LRRTM4: variants seen among roughly 807,000 people sequenced by gnomAD.
The protein encoded by LRRTM4 is leucine-rich repeat transmembrane neuronal protein 4.
A neutral mutation model predicts 47.6 loss-of-function variants in LRRTM4; 25 were observed. The ratio of observed to expected loss-of-function variants is 0.53; its 90% confidence interval spans 0.38 to 0.73. The LOEUF (loss-of-function observed/expected upper bound fraction) is 0.73, where lower values mean the gene tolerates loss of function less well. Ranked by LOEUF, LRRTM4 falls within the 30% of genes least tolerant of loss-of-function variation. LRRTM4 has a pLI of 0.00. For synonymous variants in LRRTM4, 311 were observed against 269.5 expected (o/e 1.15, Z -1.51); for missense variants, 638 against 713.4 (o/e 0.89, Z 1.20).
intron 3 of LRRTM4, among the ~76,000 whole-genome samples, chr2:76,843,124 A>C (rs78082298): frequency 1.3e-5 from 2 of 152,186 alleles, no homozygotes; most frequent in African/African-American, 4.8e-5. Flanking sequence ...CAAACAGTTG[A>C]TAGCCATCCT....
At chr2:77,464,323 T>C (rs1676901620) in intron 3 of LRRTM4, among the ~76,000 whole-genome samples, 1 of 152,070 alleles carries the variant, frequency 6.6e-6, no homozygotes, top group Admixed American at 6.6e-5. Context: ...TAAGGACTCA[T>C]ATTTGGTTTA....
chr2:77,254,867 G>A (rs185064641), intron 3 of LRRTM4, among the ~76,000 whole-genome samples: 14 of 140,842 alleles, frequency 9.9e-5, no homozygotes, highest in Non-Finnish European at 1.6e-4. Flanking sequence ...AAGTAAAAGC[G>A]AACAGAGAAA....
At chr2:76,937,029 T>C (rs1573338316) in intron 3 of LRRTM4, among the ~76,000 whole-genome samples, 1 of 142,742 alleles carries the variant, frequency 7.0e-6, no homozygotes, top group African/African-American at 2.6e-5. Context: ...TATCAGTAGA[T>C]TCATGGTGAC....
intron 3 of LRRTM4, among the ~76,000 whole-genome samples, chr2:77,226,297 C>G (rs755972025): frequency 3.3e-5 from 5 of 151,566 alleles, no homozygotes; most frequent in African/African-American, 4.8e-5. Context: ...AGCACAGGTA[C>G]GGTCAGAGAA....
chr2:77,304,140 T>C (rs1264742484), intron 3 of LRRTM4, among the ~76,000 whole-genome samples: 1 of 152,198 alleles, frequency 6.6e-6, no homozygotes. Flanking sequence ...ATAATGGGCA[T>C]TCTAACAGAA....
intron 3 of LRRTM4, among the ~76,000 whole-genome samples, chr2:77,453,268 G>A (rs137958252): frequency 0.012 from 1,685 of 140,676 alleles, 23 homozygotes; most frequent in African/African-American, 0.042. Context: ...TGCAAGCTCC[G>A]CCTCCTGGGT....
chr2:77,348,581 A>G (rs1671650914), intron 3 of LRRTM4, among the ~76,000 whole-genome samples: 1 of 150,518 alleles, frequency 6.6e-6, no homozygotes, highest in South Asian at 2.1e-4. Flanking sequence ...TAATATTTTA[A>G]AGAATATATC....
intron 3 of LRRTM4, among the ~76,000 whole-genome samples, chr2:77,368,833 A>G (rs1487211696): frequency 6.6e-6 from 1 of 151,694 alleles, no homozygotes; most frequent in Non-Finnish European, 1.5e-5. Flanking sequence ...TGAGGTGGTG[A>G]TTTTGTTTCC....
chr2:77,292,790 A>G (rs1676864805), intron 3 of LRRTM4, among the ~76,000 whole-genome samples: 1 of 151,634 alleles, frequency 6.6e-6, no homozygotes, highest in South Asian at 2.1e-4. Flanking sequence ...TGGCACATGT[A>G]TACATATGTA....
chr2:76,803,324 T>G (rs1405452248), intron 3 of LRRTM4, among the ~76,000 whole-genome samples: 1 of 152,002 alleles, frequency 6.6e-6, no homozygotes. Context: ...GACAAACAAA[T>G]AGCCAATTAA....
Position 76,905,098 on chromosome 2 carries a change from C to T in LRRTM4, c.1552-156182G>A, listed in dbSNP as rs185692408. The stretch of plus-strand genomic sequence containing the variant: ...TGAGCAGCCTAACTAGGAGGCACCC[C>T]CCAGTAGGGGCAGACTGACACCTCA... On this transcript the variant is annotated intron_variant, in intron 3 of 3. Transcript: ENST00000409884. 4.2e-3 allele frequency among the ~76,000 whole-genome samples: 642 copies of T among 152,220 alleles called. 1 individual carries two copies. Among genetic ancestry groups the T allele is most frequent in the African/African-American group, 0.015 (620 of 41,554 alleles).
intron 3 of LRRTM4, among the ~76,000 whole-genome samples, chr2:77,270,850 C>T (rs528801497): frequency 6.6e-6 from 1 of 152,318 alleles, no homozygotes; most frequent in African/African-American, 2.4e-5. Context: ...TCATGTGTAA[C>T]TACCTTTTTC....
chr2:76,904,496 T>C (rs1673753696), intron 3 of LRRTM4, among the ~76,000 whole-genome samples: 1 of 152,236 alleles, frequency 6.6e-6, no homozygotes, highest in Non-Finnish European at 1.5e-5. Context: ...ATATTTTGTG[T>C]TCCTTCTTAG....
At chr2:76,857,649 T>C (rs1232186477) in intron 3 of LRRTM4, among the ~76,000 whole-genome samples, 1 of 152,132 alleles carries the variant, frequency 6.6e-6, no homozygotes, top group African/African-American at 2.4e-5. Context: ...ATAAATGTCC[T>C]GCATAATTGT....
chr2:77,074,930 C>A (rs1217795498), intron 3 of LRRTM4, among the ~76,000 whole-genome samples: 1 of 151,892 alleles, frequency 6.6e-6, no homozygotes, highest in South Asian at 2.1e-4. Context: ...TCCAAGATAA[C>A]AAGATATTTT....
At chr2:77,210,051 T>G (rs1674248666) in intron 3 of LRRTM4, among the ~76,000 whole-genome samples, 1 of 152,198 alleles carries the variant, frequency 6.6e-6, no homozygotes, top group Non-Finnish European at 1.5e-5. Context: ...ACTACATCAA[T>G]GCATTACAAT....
intron 3 of LRRTM4, among the ~76,000 whole-genome samples, chr2:77,180,983 T>A (rs1349967004): frequency 6.6e-6 from 1 of 152,170 alleles, no homozygotes; most frequent in Non-Finnish European, 1.5e-5. Context: ...AGCTTTCTAA[T>A]CTTTTTTCTT....
intron 3 of LRRTM4, among the ~76,000 whole-genome samples, chr2:76,979,006 C>T (rs542228040): frequency 1.3e-5 from 2 of 152,066 alleles, no homozygotes; most frequent in East Asian, 3.9e-4. Context: ...AAACATGATA[C>T]AGAGTGGAGG....
At chr2:77,035,881 T>C (rs1678820880) in intron 3 of LRRTM4, among the ~76,000 whole-genome samples, 3 of 151,816 alleles carry the variant, frequency 2.0e-5, no homozygotes, top group African/African-American at 7.2e-5. Flanking sequence ...TTTTGAAACT[T>C]TGTCCTCTTA....
Sources: allele counts gnomAD v4.1 joint callset (sites outside exome capture counted in the v4.1 genomes callset), GRCh38; gene constraint gnomAD v4.1.1; transcripts MANE v1.5; gene names NCBI Gene and HGNC (gene_info 2026-07-23, HGNC 2026-07-21).